Variants in LRMDA observed in about 807,000 individuals in gnomAD.
The protein encoded by LRMDA is leucine rich melanocyte differentiation associated.
LRMDA carries 18 observed loss-of-function variants against 29.8 expected under a neutral mutation model. The ratio of observed to expected loss-of-function variants is 0.60; its 90% CI spans 0.42 to 0.90. LRMDA has a LOEUF of 0.90. LRMDA is among the 40% of genes least tolerant of loss of function. The pLI, the probability that LRMDA is intolerant of heterozygous loss-of-function variation, is 0.00. For synonymous variants in LRMDA, 125 were observed against 109.4 expected (o/e 1.14, Z -0.89); for missense variants, 273 against 273.9 (o/e 1.00, Z 0.02).
intron 5 of LRMDA, among the ~76,000 whole-genome samples, chr10:76,196,064 G>C (rs150313151): frequency 1.3e-5 from 2 of 152,312 alleles, no homozygotes; most frequent in East Asian, 3.9e-4. Flanking sequence ...TCAGCTAAGA[G>C]GACCTTTTCA....
At chr10:75,797,280 T>C (rs1289725681) in intron 2 of LRMDA, among the ~76,000 whole-genome samples, 1 of 152,240 alleles carries the variant, frequency 6.6e-6, no homozygotes, top group Non-Finnish European at 1.5e-5. Context: ...ATATTATCTT[T>C]TTAATATCTG....
intron 5 of LRMDA, among the ~76,000 whole-genome samples, chr10:76,233,067 C>G (rs1054251621): frequency 1.3e-5 from 2 of 152,220 alleles, no homozygotes; most frequent in Non-Finnish European, 2.9e-5. Flanking sequence ...AAGAATTTAA[C>G]TTGTAGCTTG....
chr10:76,220,629 A>G (rs1233837180), intron 5 of LRMDA, among the ~76,000 whole-genome samples: 1 of 152,220 alleles, frequency 6.6e-6, no homozygotes, highest in Admixed American at 6.5e-5. Flanking sequence ...GCAATAATCA[A>G]TAACTTACCA....
intron 2 of LRMDA, among the ~76,000 whole-genome samples, chr10:75,842,622 A>G (rs1844560687): frequency 6.6e-6 from 1 of 152,346 alleles, no homozygotes; most frequent in South Asian, 2.1e-4. Flanking sequence ...AGTGCATTGC[A>G]TGTGGTATGG....
At chr10:75,664,921 C>G (rs1209172541) in intron 2 of LRMDA, among the ~76,000 whole-genome samples, 1 of 152,204 alleles carries the variant, frequency 6.6e-6, no homozygotes, top group East Asian at 1.9e-4. Context: ...AATGGAGAAG[C>G]CAGACAGACC....
intron 6 of LRMDA, among the ~76,000 whole-genome samples, chr10:76,415,734 G>A (rs1024197106): frequency 1.3e-5 from 2 of 152,182 alleles, no homozygotes; most frequent in African/African-American, 2.4e-5. Context: ...CCCCACCCAT[G>A]CCATATGCTC....
chr10:75,952,302 CAGTTA>C (rs1375040621), intron 2 of LRMDA, among the ~76,000 whole-genome samples: 6 of 152,106 alleles, frequency 3.9e-5, no homozygotes, highest in African/African-American at 1.4e-4. Context: ...ATTGGCAGTA[CAGTTA>C]AGTTGTCAAC....
chr10:76,132,042 A>C (rs1850003014), intron 5 of LRMDA, among the ~76,000 whole-genome samples: 1 of 152,206 alleles, frequency 6.6e-6, no homozygotes, highest in African/African-American at 2.4e-5. Context: ...TGAATGCACC[A>C]TTCAGTGTGA....
chr10:75,807,398 G>A (rs996603271), intron 2 of LRMDA, among the ~76,000 whole-genome samples: 4 of 152,214 alleles, frequency 2.6e-5, no homozygotes, highest in African/African-American at 9.6e-5. Context: ...GGCTCACATC[G>A]CCTAGCCGTT....
At chr10:75,855,399 A>T (rs1478250204) in intron 2 of LRMDA, among the ~76,000 whole-genome samples, 1 of 152,124 alleles carries the variant, frequency 6.6e-6, no homozygotes, top group Admixed American at 6.5e-5. Flanking sequence ...TCCTTCGCCC[A>T]CTTTTTGATG....
chr10:75,930,951 T>A (rs149353285), intron 2 of LRMDA, among the ~76,000 whole-genome samples: 7 of 152,320 alleles, frequency 4.6e-5, no homozygotes, highest in Admixed American at 3.3e-4. Flanking sequence ...TCCAGAGTTA[T>A]TAGAACATTC....
intron 2 of LRMDA, among the ~76,000 whole-genome samples, chr10:75,530,147 TAAAG>T (rs952667223): frequency 2.6e-5 from 4 of 151,732 alleles, no homozygotes; most frequent in African/African-American, 7.2e-5. Context: ...GTAAAAAAAA[TAAAG>T]AAGAAGGCTA....
At chr10:75,530,751 A>G (rs568341445) in intron 2 of LRMDA, among the ~76,000 whole-genome samples, 21 of 152,256 alleles carry the variant, frequency 1.4e-4, no homozygotes, top group African/African-American at 4.8e-4. Context: ...AAGAGTTGAC[A>G]TTCCTCTCCT....
chr10:76,379,509 A>T (rs1358813071), intron 6 of LRMDA, among the ~76,000 whole-genome samples: 2 of 152,018 alleles, frequency 1.3e-5, no homozygotes, highest in African/African-American at 4.8e-5. Flanking sequence ...TATGCATAGA[A>T]ATGCCCATAG....
intron 2 of LRMDA, chr10:75,782,902 C>G: frequency 6.2e-7 from 1 of 1,607,216 alleles, no homozygotes; most frequent in African/African-American, 1.3e-5. Context: ...TGCTCTCATG[C>G]CTCTTGCCAA....
intron 6 of LRMDA, among the ~76,000 whole-genome samples, chr10:76,372,148 T>C (rs143420696): frequency 1.3e-5 from 2 of 152,296 alleles, no homozygotes; most frequent in African/African-American, 4.8e-5. Context: ...TTCTTAGACT[T>C]ATGTAAGATG....
At chr10:76,493,515 G>A (rs996545423) in intron 6 of LRMDA, among the ~76,000 whole-genome samples, 11 of 152,038 alleles carry the variant, frequency 7.2e-5, no homozygotes, top group African/African-American at 2.7e-4. Flanking sequence ...AATTGCCTTG[G>A]CATCTTTGTA....
chr10:75,472,372 C>G, intron 2 of LRMDA, among the ~76,000 whole-genome samples: 1 of 152,152 alleles, frequency 6.6e-6, no homozygotes, highest in South Asian at 2.1e-4. Context: ...ATTTAATCCT[C>G]GTAACGACCC....
chr10:75,743,055 G>C (rs929178237), intron 2 of LRMDA, among the ~76,000 whole-genome samples: 1 of 152,110 alleles, frequency 6.6e-6, no homozygotes. Flanking sequence ...ATCATGAACA[G>C]AAGCATAAAG....
Sources: gnomAD v4.1 joint callset for allele counts (sites outside exome capture counted in the v4.1 genomes callset) on GRCh38, gnomAD v4.1.1 for gene constraint, MANE v1.5 for transcripts, NCBI Gene and HGNC (gene_info 2026-07-23, HGNC 2026-07-21) for gene names.